The following DGKB variants were observed in gnomAD, a reference collection of about 807,000 sequenced individuals.
DGKB encodes diacylglycerol kinase beta.
Under a neutral mutation model 114.3 loss-of-function variants are expected in DGKB, and 67 were observed. The ratio of observed to expected loss-of-function variants is 0.59; its 90% CI spans 0.48 to 0.72. DGKB has a LOEUF of 0.72. Ranked by LOEUF, DGKB falls within the 30% of genes least tolerant of loss-of-function variation. The pLI is 0.00. For missense variants in DGKB, 907 were observed against 975.2 expected (o/e 0.93, Z 0.93); for synonymous variants, 398 against 323.1 (o/e 1.23, Z -2.49).
intron 21 of DGKB, among the ~76,000 whole-genome samples, chr7:14,431,187 C>T (rs1055339858): frequency 4.6e-5 from 7 of 152,038 alleles, no homozygotes; most frequent in African/African-American, 1.7e-4. Flanking sequence ...TGACTTTCTT[C>T]CCTGATCTCC....
intron 23 of DGKB, among the ~76,000 whole-genome samples, chr7:14,219,741 G>C (rs1789614653): frequency 6.6e-6 from 1 of 151,480 alleles, no homozygotes; most frequent in Non-Finnish European, 1.5e-5. Context: ...TCACTTTCTT[G>C]ATAGAGTCCT....
rs530954108 is a variant in DGKB at position 14,913,776 on chromosome 7, T to A, written c.-188+60920A>T. On this transcript the variant is annotated intron_variant, in intron 1 of 4. Transcript: ENST00000437998. ...CTTATAGTTTCAACTCACTCCAACA[T>A]ATAAAGGGCATGGAAGTCATCACTC... 2.6e-5 allele frequency among the ~76,000 whole-genome samples: 4 copies of A among 152,118 alleles called. No homozygotes were observed. The South Asian group carries it at 8.3e-4, about 32-fold the overall frequency.
intron 2 of DGKB, among the ~76,000 whole-genome samples, chr7:14,793,479 C>T: frequency 6.6e-6 from 1 of 152,046 alleles, no homozygotes; most frequent in East Asian, 1.9e-4. Flanking sequence ...GTATTCTATG[C>T]CTAGGCTCCT....
intron 17 of DGKB, among the ~76,000 whole-genome samples, chr7:14,590,217 G>C (rs959064114): frequency 7.3e-5 from 11 of 151,030 alleles, no homozygotes; most frequent in African/African-American, 2.7e-4. Flanking sequence ...AATTACTTTA[G>C]TAACTATTCT....
At chr7:14,696,589 G>A (rs1017994650) in intron 8 of DGKB, among the ~76,000 whole-genome samples, 1 of 150,330 alleles carries the variant, frequency 6.7e-6, no homozygotes, top group Admixed American at 6.6e-5. Context: ...TAACAAGCTG[G>A]CTTGATTGAC....
chr7:14,740,478 A>G (rs867346454), intron 4 of DGKB, among the ~76,000 whole-genome samples: 1 of 152,124 alleles, frequency 6.6e-6, no homozygotes, highest in Admixed American at 6.5e-5. Context: ...AGAGGACCCA[A>G]TTTTAGAGCT....
intron 3 of DGKB, among the ~76,000 whole-genome samples, chr7:14,754,561 G>A (rs1834590982): frequency 7.1e-6 from 1 of 139,882 alleles, no homozygotes; most frequent in Non-Finnish European, 1.5e-5. Flanking sequence ...AATTGAACTT[G>A]AAGTCCAAGA....
In DGKB at chr7:14,483,754, G is replaced by C. The variant is rs577329925; in HGVS notation, c.1771-5529C>G. Among the ~76,000 whole-genome samples the C allele has an allele frequency of 7.9e-5, 12 of 152,246 alleles. No homozygotes were observed. In the South Asian group the frequency reaches 2.3e-3, roughly 29 times the overall value. On this transcript the variant is annotated intron_variant, in intron 20 of 25. Coordinates refer to ENST00000402815, the MANE Select transcript of DGKB (RefSeq NM_001350709.2). ...AGACAGAGATTAGACAGGAGGAGAC[G>C]ATGCGACTACAAAGGCAGACATTGG... is the stretch of plus-strand genomic sequence containing the variant.
intron 23 of DGKB, among the ~76,000 whole-genome samples, chr7:14,213,141 T>C (rs1788408692): frequency 6.6e-6 from 1 of 152,128 alleles, no homozygotes; most frequent in African/African-American, 2.4e-5. Context: ...TAAAATTTGA[T>C]TTATTCAGAC....
At chr7:14,409,406 G>A (rs552142329) in intron 21 of DGKB, among the ~76,000 whole-genome samples, 67 of 149,212 alleles carry the variant, frequency 4.5e-4, no homozygotes, top group African/African-American at 1.6e-3. Context: ...AAAATGTCAC[G>A]ACATTAAAGA....
intron 21 of DGKB, among the ~76,000 whole-genome samples, chr7:14,460,648 T>C (rs918938999): frequency 6.6e-6 from 1 of 151,842 alleles, no homozygotes; most frequent in African/African-American, 2.4e-5. Context: ...TCCCACACAA[T>C]AATAATGGGA....
chr7:14,897,401 T>C (rs891151520), intron 1 of DGKB, among the ~76,000 whole-genome samples: 5 of 151,884 alleles, frequency 3.3e-5, no homozygotes, highest in Non-Finnish European at 5.9e-5. Flanking sequence ...CTTGCAGATA[T>C]GATTCACTAT....
intron 13 of DGKB, among the ~76,000 whole-genome samples, chr7:14,631,879 G>A (rs1809787102): frequency 6.6e-6 from 1 of 151,934 alleles, no homozygotes; most frequent in Admixed American, 6.6e-5. Context: ...GGTCAGGAAT[G>A]TAATCCTATG....
intron 21 of DGKB, among the ~76,000 whole-genome samples, chr7:14,403,921 G>T (rs1159317557): frequency 1.3e-5 from 2 of 151,786 alleles, no homozygotes; most frequent in Non-Finnish European, 2.9e-5. Flanking sequence ...TTATGTAAAA[G>T]TAAGATTATA....
intron 20 of DGKB, among the ~76,000 whole-genome samples, chr7:14,537,911 T>C (rs2128610757): frequency 6.6e-6 from 1 of 151,876 alleles, no homozygotes; most frequent in South Asian, 2.1e-4. Flanking sequence ...AGAAACCCCG[T>C]CTCTACTAAT....
chr7:14,567,843 G>T (rs545593510), intron 20 of DGKB, among the ~76,000 whole-genome samples: 2 of 151,816 alleles, frequency 1.3e-5, no homozygotes, highest in African/African-American at 4.8e-5. Flanking sequence ...CTGACTTCAG[G>T]TGATCTGCCT....
At position 14,961,975 on chromosome 7, in the gene DGKB, T is replaced by C. The variant is rs1454375898; in HGVS notation, c.-188+12721A>G. Among the ~76,000 whole-genome samples, 5 of 152,236 alleles carry C rather than the reference T, an allele frequency of 3.3e-5. No homozygotes were observed. In the East Asian group the frequency reaches 9.7e-4, roughly 30 times the overall value. On this transcript the variant is annotated intron_variant, in intron 1 of 4. Coordinates refer to the DGKB transcript ENST00000437998. ...CTAATTAACCATGTTATCTATCCAATGGGTAAAAACATGTCCTCTCAGCCT... is the reference window on the plus strand; with the variant it reads ...CTAATTAACCATGTTATCTATCCAACGGGTAAAAACATGTCCTCTCAGCCT...
At chr7:14,194,766 C>T (rs150175506) in intron 23 of DGKB, among the ~76,000 whole-genome samples, 39 of 152,140 alleles carry the variant, frequency 2.6e-4, no homozygotes, top group African/African-American at 8.9e-4. Flanking sequence ...CTTTTAAAGC[C>T]ATCTAGTTTT....
chr7:14,606,591 C>CT (rs201031316), intron 17 of DGKB, among the ~76,000 whole-genome samples: 3,388 of 146,024 alleles, frequency 0.023, 41 homozygotes, highest in South Asian at 0.025. Context: ...AATCAACTGC[C>CT]TTTTTTTTAA....
Sources: allele counts gnomAD v4.1 joint callset (sites outside exome capture counted in the v4.1 genomes callset), GRCh38; gene constraint gnomAD v4.1.1; transcripts MANE v1.5; gene names NCBI Gene and HGNC (gene_info 2026-07-23, HGNC 2026-07-21).